The following ABCG2 variants were observed in gnomAD, a reference collection of about 807,000 sequenced individuals.
ABCG2 encodes broad substrate specificity ATP-binding cassette transporter ABCG2.
ABCG2 carries 80 observed loss-of-function variants against 73.5 expected under a neutral mutation model. The ratio of observed to expected loss-of-function variants is 1.09; its 90% CI spans 0.91 to 1.31. The LOEUF (loss-of-function observed/expected upper bound fraction) is 1.31, where lower values mean the gene tolerates loss of function less well. Ranked by LOEUF, ABCG2 falls within the 50% of genes most tolerant of loss-of-function variation. ABCG2 has a pLI of 0.00. For missense variants in ABCG2, 796 were observed against 786.2 expected (o/e 1.01, Z -0.15); for synonymous variants, 269 against 282.4 (o/e 0.95, Z 0.48).
upstream of ABCG2, chr4:88,158,802 G>A (rs912361311): frequency 2.9e-6 from 1 of 339,306 alleles, no homozygotes; most frequent in African/African-American, 2.3e-5. Context: ...ATGGGAGCCG[G>A]CGGGTGGCCG....
At chr4:88,150,570 T>C (rs1726395744) in intron 1 of ABCG2, among the ~76,000 whole-genome samples, 3 of 152,302 alleles carry the variant, frequency 2.0e-5, no homozygotes, top group Middle Eastern at 3.4e-3. Flanking sequence ...AGCAGGAGTG[T>C]CCAATCTTTT....
chr4:88,141,301 C>T (rs1028055504), intron 1 of ABCG2, among the ~76,000 whole-genome samples: 1 of 152,142 alleles, frequency 6.6e-6, no homozygotes, highest in African/African-American at 2.4e-5. Flanking sequence ...ACAAACTCTG[C>T]ATTCCGCGTG....
chr4:88,122,418 T>G (rs1161848390), intron 5 of ABCG2, among the ~76,000 whole-genome samples: 2 of 152,200 alleles, frequency 1.3e-5, no homozygotes, highest in African/African-American at 4.8e-5. Flanking sequence ...TAAGATCCAC[T>G]GGCTTGAAAT....
intron 5 of ABCG2, among the ~76,000 whole-genome samples, chr4:88,129,800 A>G (rs1724719779): frequency 6.6e-6 from 1 of 152,204 alleles, no homozygotes; most frequent in South Asian, 2.1e-4. Context: ...AGCTTCAAAT[A>G]TCTTCTCAGC....
At chr4:88,173,379 G>C (rs992582668) in intron 1 of ABCG2, among the ~76,000 whole-genome samples, 1 of 152,108 alleles carries the variant, frequency 6.6e-6, no homozygotes, top group African/African-American at 2.4e-5. Context: ...CATCTAAATA[G>C]CTTCATTAAC....
chr4:88,096,794 A>G (rs1470521065), intron 13 of ABCG2, among the ~76,000 whole-genome samples: 1 of 152,190 alleles, frequency 6.6e-6, no homozygotes, highest in Non-Finnish European at 1.5e-5. Flanking sequence ...GTCAGGAACG[A>G]AACCCAGAAA....
intron 1 of ABCG2, among the ~76,000 whole-genome samples, chr4:88,181,682 G>A (rs1177183053): frequency 6.6e-6 from 1 of 152,112 alleles, no homozygotes; most frequent in Non-Finnish European, 1.5e-5. Context: ...AGGTAGCTGT[G>A]ATTACACCAC....
chr4:88,183,756 C>CA (rs556958786), intron 1 of ABCG2, among the ~76,000 whole-genome samples: 477 of 129,640 alleles, frequency 3.7e-3, no homozygotes, highest in Middle Eastern at 8.3e-3. Context: ...AAAGACACAT[C>CA]AAAAAAAAAA....
intron 1 of ABCG2, among the ~76,000 whole-genome samples, chr4:88,177,216 CA>C (rs34778170): frequency 0.23 from 34,852 of 150,602 alleles, 5,199 homozygotes; most frequent in African/African-American, 0.43. Flanking sequence ...ACTAAAAATA[CA>C]AAAAAAAATT....
At chr4:88,221,597 A>G (rs1025779663) in intron 1 of ABCG2, among the ~76,000 whole-genome samples, 1 of 152,174 alleles carries the variant, frequency 6.6e-6, no homozygotes, top group African/African-American at 2.4e-5. Context: ...GGTGATATGG[A>G]CAATAAAGTG....
intron 2 of ABCG2, among the ~76,000 whole-genome samples, chr4:88,137,893 G>C (rs888868713): frequency 1.1e-4 from 17 of 152,328 alleles, no homozygotes; most frequent in Non-Finnish European, 1.3e-4. Context: ...AGTGGCTCAT[G>C]CTTATAACCC....
chr4:88,177,116 T>A (rs1728022164), intron 1 of ABCG2, among the ~76,000 whole-genome samples: 1 of 152,210 alleles, frequency 6.6e-6, no homozygotes, highest in South Asian at 2.1e-4. Flanking sequence ...CTCACGCCTG[T>A]AATCCCAGCA....
chr4:88,096,361 G>A (rs1721984190), intron 13 of ABCG2, among the ~76,000 whole-genome samples: 1 of 152,184 alleles, frequency 6.6e-6, no homozygotes, highest in Admixed American at 6.5e-5. Context: ...ACCTGACCAA[G>A]TGCTTAGCAT....
rs2231161 is a variant in ABCG2 at position 88,095,751 on chromosome 4, A to T, written c.1648-142T>A. On this transcript the variant is annotated intron_variant, in intron 13 of 15. Coordinates refer to ENST00000237612, the MANE Select transcript of ABCG2 (RefSeq NM_004827.3). ...TTCTTGAAGTTCTCTCCACTTACTC[A>T]AGACACTCACTAAACTCTTCTCCTC... 1,089 of 657,356 alleles carry T rather than the reference A, an allele frequency of 1.7e-3. 15 individuals are homozygous for T. The highest frequency in any genetic ancestry group is 8.7e-3 in the South Asian group (492 of 56,418). The allele number at this position is 657,356 out of a possible 1,614,324, so 40.7% of individuals were successfully genotyped here.
intron 2 of ABCG2, among the ~76,000 whole-genome samples, chr4:88,136,849 T>C (rs1337862780): frequency 1.3e-5 from 2 of 151,506 alleles, no homozygotes; most frequent in African/African-American, 4.9e-5. Flanking sequence ...AACCCCGTCT[T>C]TACTAAGATA....
chr4:88,118,191 A>G lies in ABCG2; in HGVS notation c.759T>C (p.Phe253=). ...CTGAGGCCAATAAGGTGAGGCTATC[A>G]AACAACTTGAAGATGGAATATCGAG... The part of the protein sequence containing the change: ...HQPRYSIFKL[F]DSLTLLASGR... The change falls in exon 7 of 16, where the codon TTT becomes TTC. Residue 253 remains phenylalanine (F), a synonymous_variant. Coordinates refer to ENST00000237612, the MANE Select transcript of ABCG2 (RefSeq NM_004827.3). 1.2e-6 allele frequency: 2 copies of G among 1,614,178 alleles called. No homozygotes were observed. Among genetic ancestry groups the G allele is most frequent in the Non-Finnish European group, 1.7e-6 (2 of 1,180,006 alleles).
upstream of ABCG2, chr4:88,163,754 C>T (rs1326584728): frequency 9.7e-6 from 4 of 413,210 alleles, no homozygotes; most frequent in South Asian, 3.8e-5. Context: ...GAGATGGGAA[C>T]TCCAGATGTG....
At chr4:88,168,622 TA>T (rs2110091389) in intron 1 of ABCG2, among the ~76,000 whole-genome samples, 1 of 152,112 alleles carries the variant, frequency 6.6e-6, no homozygotes. Context: ...GTAGAGTATA[TA>T]ACATTTGTCT....
In ABCG2 at chr4:88,094,607, G is replaced by C. The variant is rs1217713630; in HGVS notation, c.1790C>G (p.Ala597Gly). The C allele has an allele frequency of 6.2e-7, 1 of 1,614,020 alleles. No individual in the cohort carries two copies. The highest frequency in any genetic ancestry group is 1.7e-5 in the Admixed American group (1 of 60,020). ...ATAGTTACAAGGATTGTTTCCTGTT[G>C]CATTGAGTCCTGGGCAGAAGTTTTG... ...LGQNFCPGLN[A>G]TGNNPCNYAT... is the part of the protein sequence containing the mutation. The change falls in exon 15 of 16, where the codon GCA becomes GGA. Residue 597 changes from alanine to glycine, a missense_variant. Coordinates refer to ENST00000237612, the MANE Select transcript of ABCG2 (RefSeq NM_004827.3).
Sources: allele counts gnomAD v4.1 joint callset (sites outside exome capture counted in the v4.1 genomes callset), GRCh38; gene constraint gnomAD v4.1.1; transcripts MANE v1.5; gene names NCBI Gene and HGNC (gene_info 2026-07-23, HGNC 2026-07-21).